Variants in DLG1 observed in about 807,000 individuals in gnomAD.
DLG1 encodes the protein discs large MAGUK scaffold protein 1.
Under a neutral mutation model 123.4 loss-of-function variants are expected in DLG1, and 42 were observed. That is an observed-to-expected ratio of 0.34 (90% confidence interval 0.27 to 0.44). DLG1 has a LOEUF of 0.44. DLG1 is among the 20% of genes least tolerant of loss of function. The pLI is 1.00. For synonymous variants in DLG1, 317 were observed against 356.2 expected (o/e 0.89, Z 1.24); for missense variants, 942 against 1,082.6 (o/e 0.87, Z 1.82).
chr3:197,188,392 G>A (rs9877382), intron 5 of DLG1, among the ~76,000 whole-genome samples: 22,282 of 151,990 alleles, frequency 0.15, 2,352 homozygotes, highest in African/African-American at 0.3. Flanking sequence ...CTATCTTTCC[G>A]TAAAAAAATA....
chr3:197,254,789 T>C lies in DLG1; in HGVS notation c.318+27890A>G, dbSNP rs549590928. On this transcript the variant is annotated intron_variant, in intron 4 of 24. Coordinates refer to ENST00000667157, the MANE Select transcript of DLG1 (RefSeq NM_001366207.1). ...TTCAAAGGCTGAGCGTGGTGGCTCA[T>C]GCCTGTAATCCCAGCACCTTGAGAG... Among the ~76,000 whole-genome samples the C allele has an allele frequency of 8.5e-5, 13 of 152,294 alleles. 1 individual carries two copies. In the South Asian group the frequency reaches 2.5e-3, roughly 29 times the overall value.
At chr3:197,219,833 T>C (rs1736036521) in intron 4 of DLG1, among the ~76,000 whole-genome samples, 1 of 152,154 alleles carries the variant, frequency 6.6e-6, no homozygotes, top group Non-Finnish European at 1.5e-5. Flanking sequence ...AATCTCACCA[T>C]GCACAGAGGA....
chr3:197,261,675 C>T (rs1484627326), intron 4 of DLG1, among the ~76,000 whole-genome samples: 1 of 152,170 alleles, frequency 6.6e-6, no homozygotes, highest in Non-Finnish European at 1.5e-5. Flanking sequence ...CCACATTTCA[C>T]TGTTAAGCGT....
intron 3 of DLG1, among the ~76,000 whole-genome samples, chr3:197,295,289 G>C (rs1212784677): frequency 1.3e-5 from 2 of 152,090 alleles, no homozygotes; most frequent in African/African-American, 2.4e-5. Flanking sequence ...AAACCGTAGA[G>C]AGCATCCATT....
intron 24 of DLG1, among the ~76,000 whole-genome samples, chr3:197,049,816 A>G (rs971133847): frequency 1.4e-4 from 21 of 152,132 alleles, no homozygotes; most frequent in African/African-American, 5.1e-4. Flanking sequence ...TAATCCAAGC[A>G]CTCTGGGAGG....
At chr3:197,239,148 C>CAATCAATTCTAGAGA (rs1337621763) in intron 4 of DLG1, among the ~76,000 whole-genome samples, 5 of 151,884 alleles carry the variant, frequency 3.3e-5, no homozygotes, top group Admixed American at 6.6e-5. Flanking sequence ...GAGAACATTT[C>CAATCAATTCTAGAGA]AATCAATTCT....
chr3:197,230,991 A>G (rs924583044), intron 4 of DLG1, among the ~76,000 whole-genome samples: 2 of 152,230 alleles, frequency 1.3e-5, no homozygotes, highest in African/African-American at 4.8e-5. Flanking sequence ...GCATATAACT[A>G]GTTGCTATAA....
chr3:197,288,484 G>T (rs1424120113), intron 3 of DLG1, among the ~76,000 whole-genome samples: 1 of 151,428 alleles, frequency 6.6e-6, no homozygotes, highest in African/African-American at 2.4e-5. Context: ...CACTTCGAGA[G>T]GCTGAGGCGG....
intron 11 of DLG1, among the ~76,000 whole-genome samples, chr3:197,121,099 G>A (rs76770237): frequency 0.01 from 1,541 of 152,124 alleles, 27 homozygotes; most frequent in South Asian, 0.018. Flanking sequence ...AAGAAATCCA[G>A]TCAAATGCCC....
At chr3:197,208,512 T>C (rs541085972) in intron 4 of DLG1, among the ~76,000 whole-genome samples, 6 of 146,830 alleles carry the variant, frequency 4.1e-5, no homozygotes, top group African/African-American at 1.5e-4. Flanking sequence ...CATCACTATA[T>C]CCAGTAACAA....
chr3:197,270,735 C>T (rs867140723), intron 4 of DLG1, among the ~76,000 whole-genome samples: 1 of 152,098 alleles, frequency 6.6e-6, no homozygotes, highest in Admixed American at 6.6e-5. Flanking sequence ...CCCACCTTTA[C>T]GCAATCCAAC....
At chr3:197,189,450 T>G (rs1166083242) in intron 5 of DLG1, among the ~76,000 whole-genome samples, 1 of 152,180 alleles carries the variant, frequency 6.6e-6, no homozygotes, top group Non-Finnish European at 1.5e-5. Context: ...AAACAAATGA[T>G]AGAGAATACA....
chr3:197,140,389 G>T, intron 7 of DLG1, 125 bp from the exon 8 acceptor site: 1 of 880,822 alleles, frequency 1.1e-6, no homozygotes, highest in Non-Finnish European at 1.7e-6. Flanking sequence ...ATATGGGTGA[G>T]TAATATAAAG....
intron 13 of DLG1, among the ~76,000 whole-genome samples, chr3:197,107,402 G>A (rs1052019623): frequency 1.3e-5 from 2 of 151,952 alleles, no homozygotes; most frequent in East Asian, 1.9e-4. Flanking sequence ...AAAATTAGCC[G>A]GGCGTGGTGG....
chr3:197,053,728 T>C (rs1363896287), intron 23 of DLG1, among the ~76,000 whole-genome samples: 2 of 144,518 alleles, frequency 1.4e-5, no homozygotes, highest in Admixed American at 1.4e-4. Flanking sequence ...GAGCTGAGAA[T>C]GAGCCACTGC....
At chr3:197,298,266 G>A (rs1406781683) in intron 1 of DLG1, 9 of 368,896 alleles carry the variant, frequency 2.4e-5, no homozygotes, top group South Asian at 1.5e-4. Context: ...CGGGTCGGGG[G>A]AGGGCAGGGG....
At chr3:197,296,059 T>C (rs1386293010) in intron 3 of DLG1, among the ~76,000 whole-genome samples, 1 of 152,214 alleles carries the variant, frequency 6.6e-6, no homozygotes, top group Non-Finnish European at 1.5e-5. Context: ...AACTCAGTCA[T>C]ACCTTTTAGG....
At chr3:197,072,020 T>C (rs1744268913) in intron 18 of DLG1, among the ~76,000 whole-genome samples, 1 of 152,192 alleles carries the variant, frequency 6.6e-6, no homozygotes, top group African/African-American at 2.4e-5. Context: ...GCTCCAAACA[T>C]ATAAGACTGA....
At chr3:197,221,758 T>C (rs1737201481) in intron 4 of DLG1, among the ~76,000 whole-genome samples, 1 of 152,170 alleles carries the variant, frequency 6.6e-6, no homozygotes, top group African/African-American at 2.4e-5. Context: ...GTAGATTGCT[T>C]TGCCCAACAC....
Sources: allele counts gnomAD v4.1 joint callset (sites outside exome capture counted in the v4.1 genomes callset), GRCh38; gene constraint gnomAD v4.1.1; transcripts MANE v1.5; gene names NCBI Gene and HGNC (gene_info 2026-07-23, HGNC 2026-07-21).